The following CEP128 variants were observed in gnomAD, a reference collection of about 807,000 sequenced individuals.
CEP128 encodes the protein centrosomal protein 128.
CEP128 carries 132 observed loss-of-function variants against 156.7 expected under a neutral mutation model. That is an observed-to-expected ratio of 0.84 (90% confidence interval 0.73 to 0.97). The LOEUF (loss-of-function observed/expected upper bound fraction) is 0.97, where lower values mean the gene tolerates loss of function less well. Among genes scored for constraint, CEP128 ranks in the 50% least tolerant of loss-of-function variants. The pLI is 0.00. For missense variants in CEP128, 1,252 were observed against 1,281.9 expected, an observed-to-expected ratio of 0.98 and a Z score of 0.36; for synonymous variants, 469 against 448.9, an observed-to-expected ratio of 1.04 and a Z score of -0.57.
chr14:80,901,566 G>A (rs1331012157), intron 6 of CEP128, among the ~76,000 whole-genome samples: 1 of 152,158 alleles, frequency 6.6e-6, no homozygotes, highest in South Asian at 2.1e-4. Context: ...TAATGAGGAA[G>A]AACCATAAAA....
At chr14:80,679,408 T>C (rs970389979) in intron 19 of CEP128, among the ~76,000 whole-genome samples, 28 of 152,172 alleles carry the variant, frequency 1.8e-4, no homozygotes, top group Non-Finnish European at 1.5e-5. Flanking sequence ...AAGGAATGCA[T>C]TCCTGGGGGA....
At chr14:80,537,127 G>T (rs1484642229) in intron 21 of CEP128, among the ~76,000 whole-genome samples, 1 of 152,096 alleles carries the variant, frequency 6.6e-6, no homozygotes, top group Non-Finnish European at 1.5e-5. Flanking sequence ...ACTGAAAACT[G>T]AGATACAGAA....
At chr14:80,749,456 G>T (rs996470205) in intron 18 of CEP128, among the ~76,000 whole-genome samples, 3 of 152,148 alleles carry the variant, frequency 2.0e-5, no homozygotes, top group African/African-American at 7.2e-5. Flanking sequence ...CACACAAAAG[G>T]TGAATCCTGT....
chr14:80,618,856 G>C (rs565507135), intron 19 of CEP128, among the ~76,000 whole-genome samples: 1 of 152,136 alleles, frequency 6.6e-6, no homozygotes, highest in Non-Finnish European at 1.5e-5. Context: ...GCAGACCTGC[G>C]TATTTGTATC....
intron 7 of CEP128, 38 bp downstream of exon 7, chr14:80,899,900 A>G: frequency 7.3e-7 from 1 of 1,364,816 alleles, no homozygotes. Flanking sequence ...TTCTCCTCAT[A>G]ATTTATCCCT....
In CEP128 at chr14:80,900,043, AAC is replaced by A. The variant is rs1299068516; in HGVS notation, c.481-16_481-15del. The A allele has an allele frequency of 1.3e-6, 2 of 1,552,334 alleles. No individual in the cohort carries two copies. Among genetic ancestry groups the A allele is most frequent in the Non-Finnish European group, 1.8e-6 (2 of 1,126,370 alleles). ...AAAACCATGAAGCTAGCAAAGGCAA[AAC>A]ACAGTTATCCATTTAGAATTCTGTT... On this transcript the variant is annotated splice_polypyrimidine_tract_variant and intron_variant, in intron 6 of 24. Transcript: ENST00000555265.
chr14:80,624,720 T>G (rs1179735632), intron 19 of CEP128, among the ~76,000 whole-genome samples: 1 of 152,202 alleles, frequency 6.6e-6, no homozygotes, highest in Non-Finnish European at 1.5e-5. Context: ...CTTGTGTGTC[T>G]TCTTTAGAGA....
At chr14:80,667,096 C>T (rs576700062) in intron 19 of CEP128, among the ~76,000 whole-genome samples, 6 of 152,134 alleles carry the variant, frequency 3.9e-5, no homozygotes, top group Non-Finnish European at 7.3e-5. Flanking sequence ...CAGATTCTGA[C>T]GCAGTGGACA....
In CEP128 at chr14:80,778,002, ACCACGATGAATTTTAG is replaced by A; in HGVS notation, c.2240_2255del (p.Ala747ValfsTer6). On this transcript the variant is annotated frameshift_variant, in exon 16 of 25. Transcript: ENST00000555265. LOFTEE classifies it high-confidence loss of function. The stretch of plus-strand genomic sequence containing the variant: ...ACTGTGATTTCAACTTCTCCAGCTG[ACCACGATGAATTTTAG>A]CCATATTCTTCTCTTCTAAACTTTC... The A allele has an allele frequency of 6.2e-7, 1 of 1,613,556 alleles. No homozygotes were observed.
At chr14:80,759,159 G>A (rs1021225851) in intron 17 of CEP128, among the ~76,000 whole-genome samples, 4 of 152,164 alleles carry the variant, frequency 2.6e-5, no homozygotes, top group Non-Finnish European at 5.9e-5. Context: ...GTGTACGTCT[G>A]TCCTTCATTG....
upstream of CEP128, among the ~76,000 whole-genome samples, chr14:80,943,717 G>T (rs912086719): frequency 2.6e-5 from 4 of 152,236 alleles, no homozygotes; most frequent in African/African-American, 4.8e-5. Context: ...AGTCAGGCCA[G>T]GGGTGCTGAC....
chr14:80,531,273 T>G (rs1317642561), intron 21 of CEP128, among the ~76,000 whole-genome samples: 1 of 152,200 alleles, frequency 6.6e-6, no homozygotes, highest in Non-Finnish European at 1.5e-5. Context: ...CTGCAGTTAC[T>G]TATCTATGGA....
At chr14:80,538,977 T>C (rs1207220553) in intron 21 of CEP128, among the ~76,000 whole-genome samples, 3 of 152,314 alleles carry the variant, frequency 2.0e-5, no homozygotes. Context: ...GTAGGGAATA[T>C]ATGTCCCCAG....
rs551627065 is a variant in CEP128, at chr14:80,952,678, G to C, written c.-172+5500C>G. 7.9e-5 allele frequency among the ~76,000 whole-genome samples: 12 copies of C among 151,360 alleles called. No individual in the cohort carries two copies. The East Asian group carries it at 2.3e-3, about 29-fold the overall frequency. On this transcript the variant is annotated intron_variant, in intron 2 of 7. Coordinates refer to the CEP128 transcript ENST00000555529. ...GATCAGAGCATATATCAATGAAATAGAGCACAAAAAAAAATAGAGAATCTA... is the reference window on the plus strand; with the variant it reads ...GATCAGAGCATATATCAATGAAATACAGCACAAAAAAAAATAGAGAATCTA...
At chr14:80,620,013 T>C (rs1224941170) in intron 19 of CEP128, among the ~76,000 whole-genome samples, 2 of 151,504 alleles carry the variant, frequency 1.3e-5, no homozygotes, top group Non-Finnish European at 2.9e-5. Flanking sequence ...TAACCCCAGC[T>C]ATTCGGGAGG....
intron 19 of CEP128, among the ~76,000 whole-genome samples, chr14:80,736,038 A>C (rs2139557317): frequency 6.6e-6 from 1 of 152,262 alleles, no homozygotes; most frequent in African/African-American, 2.4e-5. Flanking sequence ...CCAGTATCCA[A>C]CCCTGTTAGG....
At chr14:80,520,119 T>C (rs1256119309) in intron 23 of CEP128, among the ~76,000 whole-genome samples, 2 of 152,076 alleles carry the variant, frequency 1.3e-5, no homozygotes, top group African/African-American at 4.8e-5. Flanking sequence ...GATAGAACAA[T>C]ATTAAAAACC....
chr14:80,895,376 A>T (rs1483492851), intron 8 of CEP128, among the ~76,000 whole-genome samples: 1 of 152,200 alleles, frequency 6.6e-6, no homozygotes, highest in Admixed American at 6.5e-5. Flanking sequence ...ATATCATTTC[A>T]TAAAAACTAC....
At chr14:80,777,839 A>G (rs1212868173) in intron 16 of CEP128, 43 bp downstream of exon 16, 28 of 1,385,642 alleles carry the variant, frequency 2.0e-5, no homozygotes, top group Non-Finnish European at 2.5e-5. Flanking sequence ...GGAAATTAAA[A>G]TTGAAATTAG....
Sources: gnomAD v4.1 joint callset for allele counts (sites outside exome capture counted in the v4.1 genomes callset) on GRCh38, gnomAD v4.1.1 for gene constraint, MANE v1.5 for transcripts, NCBI Gene and HGNC (gene_info 2026-07-23, HGNC 2026-07-21) for gene names.